Variants in ZNF492 observed in about 807,000 individuals in gnomAD.
ZNF492 encodes zinc finger protein 492.
A neutral mutation model predicts 6.4 loss-of-function variants in ZNF492; 3 were observed. The ratio of observed to expected loss-of-function variants is 0.47; its 90% confidence interval spans 0.21 to 1.22. The LOEUF is 1.22. Among genes scored for constraint, ZNF492 ranks in the 50% most tolerant of loss-of-function variants. The pLI is 0.22. For synonymous variants in ZNF492, 112 were observed against 205.3 expected (o/e 0.55, Z 3.89); for missense variants, 356 against 612.5 (o/e 0.58, Z 4.42).
chr19:22,664,223 C>A lies in ZNF492; in HGVS notation c.554C>A (p.Ser185Tyr), dbSNP rs763069494. 7 of 1,612,574 alleles carry A rather than the reference C, an allele frequency of 4.3e-6. No homozygotes were observed. Among genetic ancestry groups the A allele is most frequent in the Non-Finnish European group, 5.9e-6 (7 of 1,179,304 alleles). The change falls in exon 4 of 4, where the codon TCT (serine) becomes TAT (tyrosine). Residue 185 changes from serine (S) to tyrosine (Y), a missense_variant. Around this residue, in one of 7 missense-constraint regions of ZNF492, gnomAD observed 196 missense variants for 219.4 expected, o/e 0.89. Transcript: ENST00000456783. Reference sequence around the variant, plus strand: ...GCCTATAATGAGACCTCAAACCTTTCTACACATAAAAGAATTCATACTGGA... The same window carrying A: ...GCCTATAATGAGACCTCAAACCTTTATACACATAAAAGAATTCATACTGGA... ...GKAYNETSNL[S>Y]THKRIHTGKK... is the part of the protein sequence containing the mutation.
chr19:22,664,174 T>C lies in ZNF492; in HGVS notation c.505T>C (p.Tyr169His). The change falls in exon 4 of 4, where the codon TAC becomes CAC. Residue 169 changes from tyrosine (Y) to histidine (H), a missense_variant. Physicochemically the swap from Tyr to His is moderately conservative, Grantham distance 83. Coordinates refer to ENST00000456783, the MANE Select transcript of ZNF492 (RefSeq NM_020855.3). ...AAGAATTCATAGTGGAGAGAAACCCTACAAATGTAAAGAATGTGGGAAAGC... is the reference window on the plus strand; with the variant it reads ...AAGAATTCATAGTGGAGAGAAACCCCACAAATGTAAAGAATGTGGGAAAGC... ...HKRIHSGEKPYKCKECGKAYN... is the reference protein window; with the variant it reads ...HKRIHSGEKPHKCKECGKAYN... The C allele has an allele frequency of 6.2e-7, 1 of 1,610,042 alleles. No individual in the cohort carries two copies. The highest frequency in any genetic ancestry group is 1.3e-5 in the African/African-American group (1 of 74,748).
rs1044134942 is a variant in ZNF492, at chr19:22,660,339, C to G, written c.131-3461C>G. ...TTCTTGCATCTTTGTTTCTCATTTT[C>G]TCTCTTTGTGTCTTTTTGATTTTTG... On this transcript the variant is annotated intron_variant, in intron 3 of 3. Coordinates refer to ENST00000456783, the MANE Select transcript of ZNF492 (RefSeq NM_020855.3). 8.5e-4 allele frequency among the ~76,000 whole-genome samples: 129 copies of G among 151,358 alleles called. 1 individual carries two copies. The highest frequency in any genetic ancestry group is 2.9e-3 in the African/African-American group (119 of 41,306).
intron 3 of ZNF492, among the ~76,000 whole-genome samples, chr19:22,660,282 C>T (rs189842029): frequency 4.1e-4 from 62 of 152,080 alleles, no homozygotes; most frequent in Non-Finnish European, 6.3e-4. Flanking sequence ...TTGATAAAGA[C>T]GGACTGTTAC....
Position 22,665,240 on chromosome 19 carries a change from A to G in ZNF492, c.1571A>G (p.Lys524Arg). The change falls in exon 4 of 4, where the codon AAA (lysine) becomes AGA (arginine). Residue 524 changes from lysine (K) to arginine (R), a missense_variant. Physicochemically the swap from Lys to Arg is conservative, Grantham distance 26. Around this residue, in one of 7 missense-constraint regions of ZNF492, gnomAD observed 81 missense variants for 115.4 expected, o/e 0.70. Transcript: ENST00000456783. Reference protein sequence around the residue: ...CDNIAKISKYKRNCAGEK With the variant: ...CDNIAKISKYRRNCAGEK ...AACATTGCAAAGATTTCCAAATATA[A>G]AAGAAATTGTGCTGGTGAGAAATAA... 4 of 1,581,074 alleles carry G rather than the reference A, an allele frequency of 2.5e-6. No individual in the cohort carries two copies. The highest frequency in any genetic ancestry group is 1.1e-5 in the South Asian group (1 of 87,816).
chr19:22,652,402 AT>A (rs1406236237), intron 1 of ZNF492, among the ~76,000 whole-genome samples: 1 of 143,694 alleles, frequency 7.0e-6, no homozygotes, highest in Non-Finnish European at 1.5e-5. Context: ...CTTTGCATTT[AT>A]CTGTCTTTGG....
chr19:22,651,560 A>G (rs1971940093), intron 1 of ZNF492, among the ~76,000 whole-genome samples: 1 of 151,800 alleles, frequency 6.6e-6, no homozygotes, highest in Non-Finnish European at 1.5e-5. Flanking sequence ...TCTTTCCTAC[A>G]TACCAGAGTC....
chr19:22,642,663 A>G lies in ZNF492; in HGVS notation c.-94+8189A>G, dbSNP rs540639419. 2.0e-5 allele frequency among the ~76,000 whole-genome samples: 3 copies of G among 152,222 alleles called. No homozygotes were observed. In the East Asian group the frequency reaches 5.8e-4, roughly 29 times the overall value. ...CTTGGCCTCCTAAAGTGCTGGGAGTACAGGCGTAAGCGACCGCGCACGGCC... is the reference window on the plus strand; with the variant it reads ...CTTGGCCTCCTAAAGTGCTGGGAGTGCAGGCGTAAGCGACCGCGCACGGCC... On this transcript the variant is annotated intron_variant, in intron 1 of 3. Transcript: ENST00000456783.
At chr19:22,659,499 C>G (rs1332747982) in intron 3 of ZNF492, among the ~76,000 whole-genome samples, 6 of 151,458 alleles carry the variant, frequency 4.0e-5, no homozygotes, top group South Asian at 2.1e-4. Flanking sequence ...TTATGTTGCT[C>G]TCTATGTGTC....
At chr19:22,659,991 T>C (rs1260989276) in intron 3 of ZNF492, among the ~76,000 whole-genome samples, 1 of 152,138 alleles carries the variant, frequency 6.6e-6, no homozygotes, top group Non-Finnish European at 1.5e-5. Flanking sequence ...TAATGTCCTT[T>C]TTTGTCTCCT....
intron 1 of ZNF492, among the ~76,000 whole-genome samples, chr19:22,646,463 CAG>C (rs772741807): frequency 1.2e-4 from 18 of 152,156 alleles, no homozygotes; most frequent in Admixed American, 8.5e-4. Flanking sequence ...CATGTGAAAA[CAG>C]AGAGAATTTG....
chr19:22,634,460 G>A lies in ZNF492; in HGVS notation c.-108G>A. On this transcript the variant is annotated 5_prime_UTR_variant, in exon 1 of 4. Coordinates refer to ENST00000456783, the MANE Select transcript of ZNF492 (RefSeq NM_020855.3). Reference sequence around the variant, plus strand: ...CACAGCTAAGACGCTAGGACCCCCTGGAAGCCTAGAAACGGTGAGAGTGCC... The same window carrying A: ...CACAGCTAAGACGCTAGGACCCCCTAGAAGCCTAGAAACGGTGAGAGTGCC... The A allele has an allele frequency of 1.4e-6, 2 of 1,382,990 alleles. No homozygotes were observed. The highest frequency in any genetic ancestry group is 3.5e-5 in the Admixed American group (2 of 57,870). 85.7% of individuals were successfully genotyped at this position (1,382,990 alleles called of 1,614,324 possible).
chr19:22,640,951 G>A (rs78050426), intron 1 of ZNF492, among the ~76,000 whole-genome samples: 12,312 of 152,066 alleles, frequency 0.081, 1,612 homozygotes, highest in African/African-American at 0.28. Context: ...GGGGTCAGTG[G>A]TAATGTCTCT....
At chr19:22,642,314 T>C (rs1284476204) in intron 1 of ZNF492, among the ~76,000 whole-genome samples, 2 of 151,968 alleles carry the variant, frequency 1.3e-5, no homozygotes, top group African/African-American at 2.4e-5. Context: ...ATTTAGATTA[T>C]ATGTAGGTAT....
intron 1 of ZNF492, among the ~76,000 whole-genome samples, chr19:22,648,938 G>T (rs1971912195): frequency 5.9e-5 from 9 of 152,174 alleles, no homozygotes. Flanking sequence ...TTACATTTAA[G>T]GTTAGTATTG....
intron 1 of ZNF492, among the ~76,000 whole-genome samples, chr19:22,636,103 A>ATT (rs11460492): frequency 1.8e-4 from 26 of 146,636 alleles, no homozygotes; most frequent in East Asian, 4.0e-4. Flanking sequence ...TTACTTAAAT[A>ATT]TTTTTTTTTT....
chr19:22,658,784 A>G (rs1972023427), intron 3 of ZNF492, among the ~76,000 whole-genome samples: 1 of 143,738 alleles, frequency 7.0e-6, no homozygotes, highest in South Asian at 2.1e-4. Flanking sequence ...CAATGCTAAA[A>G]TAAATGTGGG....
chr19:22,661,444 C>T (rs1972057717), intron 3 of ZNF492, among the ~76,000 whole-genome samples: 1 of 152,100 alleles, frequency 6.6e-6, no homozygotes, highest in Admixed American at 6.6e-5. Flanking sequence ...AAAAAAGCTA[C>T]CTGTCACAGT....
At chr19:22,636,503 G>A (rs536426097) in intron 1 of ZNF492, among the ~76,000 whole-genome samples, 120 of 123,362 alleles carry the variant, frequency 9.7e-4, no homozygotes, top group Middle Eastern at 3.9e-3. Context: ...TGCTTCAAAG[G>A]ACATGATCTT....
chr19:22,645,697 A>T (rs1568353217), intron 1 of ZNF492, among the ~76,000 whole-genome samples: 1 of 152,194 alleles, frequency 6.6e-6, no homozygotes, highest in Admixed American at 6.5e-5. Context: ...AAATTTTTGT[A>T]TAAGGTGTAA....
Sources: allele counts gnomAD v4.1 joint callset (sites outside exome capture counted in the v4.1 genomes callset), GRCh38; gene constraint gnomAD v4.1.1; regional missense constraint gnomAD v4.1.1; transcripts MANE v1.5; gene names NCBI Gene and HGNC (gene_info 2026-07-23, HGNC 2026-07-21).